RPGRIP1L: variants seen among roughly 807,000 people sequenced by gnomAD.
RPGRIP1L encodes protein fantom.
RPGRIP1L carries 131 observed loss-of-function variants against 160.4 expected under a neutral mutation model. The observed-to-expected ratio is 0.82, with a 90% CI of 0.71 to 0.94. The LOEUF (loss-of-function observed/expected upper bound fraction) is 0.94, where lower values mean the gene tolerates loss of function less well. RPGRIP1L is among the 40% of genes least tolerant of loss of function. The pLI is 0.00. For synonymous variants in RPGRIP1L, 510 were observed against 515.8 expected, an observed-to-expected ratio of 0.99 and a Z score of 0.15; for missense variants, 1,522 against 1,535.8, an observed-to-expected ratio of 0.99 and a Z score of 0.15.
At chr16:53,670,588 T>C (rs1417960343) in intron 9 of RPGRIP1L, among the ~76,000 whole-genome samples, 3 of 152,180 alleles carry the variant, frequency 2.0e-5, no homozygotes, top group Non-Finnish European at 4.4e-5. Context: ...TAAAATACCA[T>C]AATTATGAAG....
chr16:53,623,664 C>G (rs1207911089), intron 22 of RPGRIP1L, among the ~76,000 whole-genome samples: 3 of 152,196 alleles, frequency 2.0e-5, no homozygotes, highest in Non-Finnish European at 4.4e-5. Context: ...CAATACTGAT[C>G]TCTAAGAGCA....
chr16:53,664,657 T>G (rs1480883471), intron 10 of RPGRIP1L, among the ~76,000 whole-genome samples: 1 of 152,102 alleles, frequency 6.6e-6, no homozygotes, highest in African/African-American at 2.4e-5. Flanking sequence ...TAAGAATAGC[T>G]ATGAGAAAAA....
rs923419693 is a variant in RPGRIP1L, at chr16:53,648,851, T to TA, written c.2304+112dup. 1.4e-5 allele frequency: 14 copies of TA among 990,786 alleles called. No individual in the cohort carries two copies. The African/African-American group carries it at 1.8e-4, about 13-fold the overall frequency. The allele number at this position is 990,786 out of a possible 1,614,324, so 61.4% of individuals were successfully genotyped here. A position where few individuals can be genotyped will look rare whatever the true frequency, so the allele number is the denominator to read the frequency against. ...TATATGATTACTTCAAAATAAAAGT[T>TA]AAAAAAAGACACTTGATGGCTGTGA... is the stretch of plus-strand genomic sequence containing the variant. On this transcript the variant is annotated intron_variant, in intron 16 of 26. Transcript: ENST00000647211.
chr16:53,625,218 G>A (rs1288510646), intron 22 of RPGRIP1L, among the ~76,000 whole-genome samples: 3 of 151,666 alleles, frequency 2.0e-5, no homozygotes, highest in Admixed American at 6.6e-5. Flanking sequence ...TCTCTGCCTG[G>A]CCACCCATTG....
chr16:53,648,591 ATT>A (rs1401293181), intron 16 of RPGRIP1L, among the ~76,000 whole-genome samples: 1 of 150,372 alleles, frequency 6.7e-6, no homozygotes, highest in Non-Finnish European at 1.5e-5. Flanking sequence ...GCAAAGAATA[ATT>A]GCACATATAC....
At chr16:53,630,602 A>T (rs896389616) in intron 22 of RPGRIP1L, among the ~76,000 whole-genome samples, 2 of 152,212 alleles carry the variant, frequency 1.3e-5, no homozygotes, top group African/African-American at 4.8e-5. Flanking sequence ...AATAGAGTAT[A>T]CTGTTATGGA....
At chr16:53,643,460 T>A (rs1966365601) in intron 17 of RPGRIP1L, among the ~76,000 whole-genome samples, 1 of 151,686 alleles carries the variant, frequency 6.6e-6, no homozygotes, top group East Asian at 1.9e-4. Context: ...GAATGAGAGG[T>A]CTAGTCAATT....
chr16:53,673,145 A>G, intron 7 of RPGRIP1L, 129 bp from the exon 8 acceptor site: 2 of 869,750 alleles, frequency 2.3e-6, no homozygotes, highest in Admixed American at 4.5e-5. Flanking sequence ...TATACAGATT[A>G]TTTTTTACAT....
intron 24 of RPGRIP1L, among the ~76,000 whole-genome samples, chr16:53,618,793 C>T (rs952964413): frequency 8.5e-5 from 13 of 152,100 alleles, no homozygotes; most frequent in African/African-American, 2.7e-4. Flanking sequence ...GCGATCCACC[C>T]GTCTCGGTCT....
intron 6 of RPGRIP1L, among the ~76,000 whole-genome samples, chr16:53,686,135 C>T (rs1382434018): frequency 6.6e-6 from 1 of 152,110 alleles, no homozygotes; most frequent in East Asian, 1.9e-4. Flanking sequence ...TAGTTATAAT[C>T]AAATGGTATC....
At chr16:53,659,103 C>T in intron 10 of RPGRIP1L, 1 of 654,180 alleles carries the variant, frequency 1.5e-6, no homozygotes, top group Non-Finnish European at 2.4e-6. Flanking sequence ...AAACCCAAGA[C>T]ATAAGTTCAC....
intron 11 of RPGRIP1L, 112 bp downstream of exon 11, chr16:53,658,660 G>C (rs886099009): frequency 4.7e-6 from 4 of 857,254 alleles, no homozygotes; most frequent in Admixed American, 2.1e-5. Context: ...TTAATAAACT[G>C]AGTAATTAAT....
At chr16:53,696,103 C>A (rs893938962) in intron 3 of RPGRIP1L, 48 bp downstream of exon 3, 1 of 1,590,908 alleles carries the variant, frequency 6.3e-7, no homozygotes, top group African/African-American at 1.3e-5. Flanking sequence ...CCATACCCTC[C>A]AAATTTTACT....
Position 53,641,306 on chromosome 16 carries a change from G to C in RPGRIP1L, c.2853C>G (p.Ser951=). ...TCACTAAAACTAGTGTGCTAACAGA[G>C]GATGCTGGAGGAAGTCTTTGAACAA... ...PEVVQRLPPA[S]SVSTLVLAPR... is the part of the protein sequence containing the mutation. Residue 951 remains serine, a synonymous_variant, in exon 18 of 27, where the codon TCC becomes TCG. Coordinates refer to ENST00000647211, the MANE Select transcript of RPGRIP1L (RefSeq NM_015272.5). 6.2e-7 allele frequency: 1 copy of C among 1,613,992 alleles called. No homozygotes were observed. Among genetic ancestry groups the C allele is most frequent in the African/African-American group, 1.3e-5 (1 of 75,020 alleles).
At position 53,602,159 on chromosome 16, in the gene RPGRIP1L, T is replaced by C; in HGVS notation, c.3865A>G (p.Ile1289Val). 1 of 1,613,670 alleles carries C rather than the reference T, an allele frequency of 6.2e-7. No individual in the cohort carries two copies. The highest frequency in any genetic ancestry group is 8.5e-7 in the Non-Finnish European group (1 of 1,179,604). ...TCGACTGTTACCCTGAGCTTGCCAATACCTTCACCATCTGCTCGTGCATCA... is the reference window on the plus strand; with the variant it reads ...TCGACTGTTACCCTGAGCTTGCCAACACCTTCACCATCTGCTCGTGCATCA... ...VFDARADGEGIGKLRVTVEAL... is the reference protein window; with the variant it reads ...VFDARADGEGVGKLRVTVEAL... Residue 1289 changes from isoleucine (I) to valine (V), a missense_variant, in exon 27 of 27, where the codon ATT becomes GTT. Ile to Val is a conservative substitution (Grantham distance 29). Transcript: ENST00000647211.
Position 53,646,586 on chromosome 16 carries a change from A to G in RPGRIP1L, c.2305-583T>C, listed in dbSNP as rs1257079636. Among the ~76,000 whole-genome samples the G allele has an allele frequency of 2.0e-5, 3 of 152,360 alleles. No homozygotes were observed. In the East Asian group the frequency reaches 5.8e-4, roughly 29 times the overall value. ...AGATGAACAAAAGGAGTTATTAGGT[A>G]GAGTTGGAAACTACTCTACGGTTCC... On this transcript the variant is annotated intron_variant, in intron 16 of 26. Coordinates refer to ENST00000647211, the MANE Select transcript of RPGRIP1L (RefSeq NM_015272.5).
rs186201821 is a variant in RPGRIP1L at position 53,599,224 on chromosome 16, G to A, written c.*2852C>T. On this transcript the variant is annotated 3_prime_UTR_variant, in exon 27 of 27. Transcript: ENST00000647211. ...TTTTGTGGTAACGAATGAATGGCAG[G>A]AACAGCAGAATTTCAGTGTGGCCTT... 17 of 152,244 alleles carry A rather than the reference G, an allele frequency of 1.1e-4. No individual in the cohort carries two copies. Among genetic ancestry groups the A allele is most frequent in the Admixed American group, 5.2e-4 (8 of 15,290 alleles). The allele number at this position is 152,244 out of a possible 1,614,324, so 9.4% of individuals were successfully genotyped here.
chr16:53,601,814 C>T lies in RPGRIP1L; in HGVS notation c.*262G>A, dbSNP rs563237818. 64 of 399,166 alleles carry T rather than the reference C, an allele frequency of 1.6e-4. No homozygotes were observed. In the South Asian group the frequency reaches 2.1e-3, roughly 13 times the overall value. 24.7% of individuals were successfully genotyped at this position (399,166 alleles called of 1,614,324 possible). Reference sequence around the variant, plus strand: ...GCAAATAGACTTTCTCACGCTATCACGTAGGTATAAATTATTGAGAAGGTA... The same window carrying T: ...GCAAATAGACTTTCTCACGCTATCATGTAGGTATAAATTATTGAGAAGGTA... On this transcript the variant is annotated 3_prime_UTR_variant, in exon 27 of 27. Coordinates refer to ENST00000647211, the MANE Select transcript of RPGRIP1L (RefSeq NM_015272.5).
chr16:53,609,192 G>A (rs1269134911), intron 25 of RPGRIP1L, among the ~76,000 whole-genome samples: 1 of 152,098 alleles, frequency 6.6e-6, no homozygotes, highest in African/African-American at 2.4e-5. Flanking sequence ...GGGCTCAAGC[G>A]GTCCTTCCTC....
Sources: allele counts gnomAD v4.1 joint callset (sites outside exome capture counted in the v4.1 genomes callset), GRCh38; gene constraint gnomAD v4.1.1; transcripts MANE v1.5; gene names NCBI Gene and HGNC (gene_info 2026-07-23, HGNC 2026-07-21).